The following ADGRV1 variants were observed in gnomAD, a reference collection of about 807,000 sequenced individuals.
ADGRV1 encodes the protein adhesion G protein-coupled receptor V1.
Under a neutral mutation model 596.2 loss-of-function variants are expected in ADGRV1, and 359 were observed. The observed-to-expected ratio is 0.60, with a 90% confidence interval of 0.55 to 0.66. The LOEUF (loss-of-function observed/expected upper bound fraction) is 0.66. Ranked by LOEUF, ADGRV1 falls within the 30% of genes least tolerant of loss-of-function variation. ADGRV1 has a pLI of 0.00. For missense variants in ADGRV1, 7,274 were observed against 7,575.6 expected, an observed-to-expected ratio of 0.96 and a Z score of 1.48; for synonymous variants, 2,681 against 2,679.2, an observed-to-expected ratio of 1.00 and a Z score of -0.02.
At chr5:91,000,815 T>C (rs921781214) in intron 85 of ADGRV1, among the ~76,000 whole-genome samples, 1 of 151,906 alleles carries the variant, frequency 6.6e-6, no homozygotes, top group African/African-American at 2.4e-5. Flanking sequence ...GATGTTTCAA[T>C]TTGAGTACAA....
rs1037634633 is a variant in ADGRV1, at chr5:90,783,465, C to T, written c.13433+140C>T. On this transcript the variant is annotated intron_variant, in intron 66 of 89. Coordinates refer to ENST00000405460, the MANE Select transcript of ADGRV1 (RefSeq NM_032119.4). ...CAACAGGTGAAATACTTTTGGGGTA[C>T]TAGGGGTAGGGAAAGAGGGGCTAGG... The T allele has an allele frequency of 7.5e-6, 5 of 669,956 alleles. No individual in the cohort carries two copies. The African/African-American group carries it at 9.0e-5, about 12-fold the overall frequency. The allele number at this position is 669,956 out of a possible 1,614,324, so 41.5% of individuals were successfully genotyped here. A position where few individuals can be genotyped will look rare whatever the true frequency, so the allele number is the denominator to read the frequency against.
chr5:91,150,434 G>T (rs900093369), intron 88 of ADGRV1, among the ~76,000 whole-genome samples: 1 of 152,108 alleles, frequency 6.6e-6, no homozygotes, highest in East Asian at 1.9e-4. Flanking sequence ...TTACTATAGC[G>T]TCACACCCAT....
intron 57 of ADGRV1, among the ~76,000 whole-genome samples, chr5:90,758,380 T>TA (rs1756077144): frequency 6.6e-6 from 1 of 152,176 alleles, no homozygotes; most frequent in African/African-American, 2.4e-5. Flanking sequence ...ATGAGATTCT[T>TA]ATGTTAAAAG....
Position 90,653,789 on chromosome 5 carries a change from C to G in ADGRV1, c.4215C>G (p.Ser1405=). 6.2e-7 allele frequency: 1 copy of G among 1,613,340 alleles called. No homozygotes were observed. Among genetic ancestry groups the G allele is most frequent in the Non-Finnish European group, 8.5e-7 (1 of 1,179,664 alleles). ...TLSLHYKTLG[S]NATYIAKTTV... ...CCCTTCATTATAAAACCTTGGGTTCCAATGCTACATACATTGCCAAGACAA... is the reference window on the plus strand; with the variant it reads ...CCCTTCATTATAAAACCTTGGGTTCGAATGCTACATACATTGCCAAGACAA... Residue 1405 remains serine (S), a synonymous_variant, in exon 20 of 90, where the codon TCC becomes TCG. Coordinates refer to ENST00000405460, the MANE Select transcript of ADGRV1 (RefSeq NM_032119.4).
At chr5:91,034,498 A>C (rs1784715932) in intron 85 of ADGRV1, among the ~76,000 whole-genome samples, 1 of 152,132 alleles carries the variant, frequency 6.6e-6, no homozygotes, top group African/African-American at 2.4e-5. Flanking sequence ...CATCCTCCTA[A>C]AGTCATCCTT....
intron 83 of ADGRV1, among the ~76,000 whole-genome samples, chr5:90,933,873 A>G (rs1018668504): frequency 6.6e-6 from 1 of 152,134 alleles, no homozygotes; most frequent in African/African-American, 2.4e-5. Context: ...GGTGGTATGA[A>G]CAATCTGTCA....
chr5:90,867,989 A>G (rs887498090), intron 83 of ADGRV1, among the ~76,000 whole-genome samples: 3 of 152,182 alleles, frequency 2.0e-5, no homozygotes, highest in African/African-American at 7.2e-5. Flanking sequence ...ATTTTTCAGT[A>G]GAACATTTAT....
intron 69 of ADGRV1, 126 bp from the exon 70 acceptor site, chr5:90,790,747 C>A: frequency 3.1e-6 from 2 of 635,346 alleles, no homozygotes; most frequent in East Asian, 2.8e-5. Context: ...GAGAGTTTGG[C>A]TTTGAATATA....
At chr5:90,748,880 G>A (rs1410543623) in intron 52 of ADGRV1, among the ~76,000 whole-genome samples, 1 of 146,478 alleles carries the variant, frequency 6.8e-6, no homozygotes, top group Non-Finnish European at 1.5e-5. Flanking sequence ...TGTGCTCACA[G>A]CTTTATCCCT....
Position 90,658,074 on chromosome 5 carries a change from C to T in ADGRV1, c.4548C>T (p.Phe1516=), listed in dbSNP as rs2149480495. 1 of 1,613,868 alleles carries T rather than the reference C, an allele frequency of 6.2e-7. No homozygotes were observed. The highest frequency in any genetic ancestry group is 8.5e-7 in the Non-Finnish European group (1 of 1,179,832). ...ACCCAATTTCTGGATATCTGGAGTT[C>T]AGACAGGGAGAAACTAACAAATCAT... ...DLHPISGYLE[F]RQGETNKSFI... Residue 1516 remains phenylalanine (F), a synonymous_variant, in exon 21 of 90, where the codon TTC becomes TTT. Coordinates refer to ENST00000405460, the MANE Select transcript of ADGRV1 (RefSeq NM_032119.4).
intron 21 of ADGRV1, among the ~76,000 whole-genome samples, chr5:90,666,157 C>T (rs1232284051): frequency 1.3e-5 from 2 of 150,340 alleles, no homozygotes; most frequent in South Asian, 2.1e-4. Context: ...GAGTTCAATT[C>T]CTGGGTATCC....
intron 85 of ADGRV1, among the ~76,000 whole-genome samples, chr5:91,062,880 T>G (rs1377937805): frequency 6.6e-6 from 1 of 151,854 alleles, no homozygotes; most frequent in African/African-American, 2.4e-5. Flanking sequence ...ACCAAAGAGA[T>G]GTAAAGATTA....
At chr5:91,007,947 T>C (rs11952452) in intron 85 of ADGRV1, among the ~76,000 whole-genome samples, 21,004 of 152,100 alleles carry the variant, frequency 0.14, 1,957 homozygotes, top group African/African-American at 0.24. Context: ...TGCCAAATGA[T>C]TTTTTACTCA....
At chr5:90,562,825 G>A (rs1037698088) in intron 1 of ADGRV1, among the ~76,000 whole-genome samples, 2 of 152,148 alleles carry the variant, frequency 1.3e-5, no homozygotes, top group Admixed American at 6.5e-5. Context: ...AGAGACAATA[G>A]CTCTTTCTGT....
chr5:90,988,486 C>G (rs965957628), intron 85 of ADGRV1, among the ~76,000 whole-genome samples: 2 of 152,142 alleles, frequency 1.3e-5, no homozygotes, highest in Non-Finnish European at 1.5e-5. Flanking sequence ...ACTTTTCCCC[C>G]TGTACGTTGT....
chr5:91,094,336 G>C, intron 86 of ADGRV1, among the ~76,000 whole-genome samples: 1 of 151,892 alleles, frequency 6.6e-6, no homozygotes. Flanking sequence ...GTGGGCACGT[G>C]TCATCCCAGC....
At chr5:91,037,231 A>G (rs1462269104) in intron 85 of ADGRV1, among the ~76,000 whole-genome samples, 1 of 152,160 alleles carries the variant, frequency 6.6e-6, no homozygotes. Context: ...GTACAAGCAA[A>G]CATGCCTTAT....
chr5:90,836,723 A>C (rs1765002330), intron 77 of ADGRV1, among the ~76,000 whole-genome samples: 1 of 152,198 alleles, frequency 6.6e-6, no homozygotes, highest in South Asian at 2.1e-4. Flanking sequence ...CTAATGAAGG[A>C]GTTTGGGTAA....
rs147031648 is a variant in ADGRV1, at chr5:91,067,442, C to T, written c.18153-5005C>T. Among the ~76,000 whole-genome samples the T allele has an allele frequency of 7.5e-3, 1,145 of 152,198 alleles. 18 individuals carry two copies. The highest frequency in any genetic ancestry group is 0.027 in the African/African-American group (1,105 of 41,538). On this transcript the variant is annotated intron_variant, in intron 85 of 89. Coordinates refer to ENST00000405460, the MANE Select transcript of ADGRV1 (RefSeq NM_032119.4). Reference sequence around the variant, plus strand: ...ACAGGCGTGAGCCACCGCGCCTGGCCGCAAAGGAGATTTTTAAGATCATTA... The same window carrying T: ...ACAGGCGTGAGCCACCGCGCCTGGCTGCAAAGGAGATTTTTAAGATCATTA...
Sources: allele counts gnomAD v4.1 joint callset (sites outside exome capture counted in the v4.1 genomes callset), GRCh38; gene constraint gnomAD v4.1.1; transcripts MANE v1.5; gene names NCBI Gene and HGNC (gene_info 2026-07-23, HGNC 2026-07-21).